The following KCNIP3 variants were observed in gnomAD, a reference collection of about 807,000 sequenced individuals.
The protein encoded by KCNIP3 is calsenilin.
A neutral mutation model predicts 35.0 loss-of-function variants in KCNIP3; 28 were observed. The observed-to-expected ratio is 0.80, with a 90% CI of 0.59 to 1.10. The LOEUF (loss-of-function observed/expected upper bound fraction) is 1.10. Ranked by LOEUF, KCNIP3 falls within the 50% of genes least tolerant of loss-of-function variation. The pLI, the probability that KCNIP3 is intolerant of heterozygous loss-of-function variation, is 0.00. For missense variants in KCNIP3, 295 were observed against 338.4 expected, an observed-to-expected ratio of 0.87 and a Z score of 1.01; for synonymous variants, 134 against 133.8, an observed-to-expected ratio of 1.00 and a Z score of -0.01.
At chr2:95,366,075 G>A (rs1233739849) in intron 2 of KCNIP3, among the ~76,000 whole-genome samples, 1 of 152,094 alleles carries the variant, frequency 6.6e-6, no homozygotes, top group East Asian at 1.9e-4. Flanking sequence ...TTGAACTCCA[G>A]GGCTCAAGCA....
chr2:95,310,833 C>G (rs1304536591), intron 2 of KCNIP3: 1 of 413,142 alleles, frequency 2.4e-6, no homozygotes, highest in Non-Finnish European at 4.5e-6. Context: ...TCCACCCTGC[C>G]CACTGCTCAC....
intron 8 of KCNIP3, 88 bp from the exon 9 acceptor site, chr2:95,383,914 C>A: frequency 2.7e-6 from 3 of 1,121,862 alleles, no homozygotes; most frequent in African/African-American, 1.5e-5. Context: ...TCGCTGCAGG[C>A]TCCGAGTCCC....
At chr2:95,321,068 C>G (rs1430191481) in intron 2 of KCNIP3, among the ~76,000 whole-genome samples, 1 of 141,938 alleles carries the variant, frequency 7.0e-6, no homozygotes, top group Admixed American at 6.9e-5. Context: ...CCCCAAGCCT[C>G]TCCTCCCTGG....
intron 1 of KCNIP3, among the ~76,000 whole-genome samples, chr2:95,302,433 C>T (rs891016635): frequency 6.6e-6 from 1 of 152,204 alleles, no homozygotes; most frequent in African/African-American, 2.4e-5. Context: ...TCAAACAATC[C>T]AGCTCCTGGG....
intron 1 of KCNIP3, among the ~76,000 whole-genome samples, chr2:95,306,810 C>T (rs574698643): frequency 3.2e-4 from 48 of 152,284 alleles, no homozygotes; most frequent in South Asian, 1.0e-3. Context: ...GCCAGGGGGC[C>T]GCCTCTTAGG....
intron 2 of KCNIP3, among the ~76,000 whole-genome samples, chr2:95,326,867 C>T (rs1317914854): frequency 1.3e-5 from 2 of 152,224 alleles, no homozygotes; most frequent in Non-Finnish European, 2.9e-5. Context: ...ACTCCCCTCG[C>T]CCTGCCCTTC....
intron 2 of KCNIP3, among the ~76,000 whole-genome samples, chr2:95,335,683 T>A (rs1440765770): frequency 6.6e-6 from 1 of 152,206 alleles, no homozygotes; most frequent in Non-Finnish European, 1.5e-5. Context: ...GGAAAATTTC[T>A]TCAAATTCTA....
intron 2 of KCNIP3, among the ~76,000 whole-genome samples, chr2:95,314,767 A>G (rs1345349107): frequency 3.9e-5 from 6 of 152,230 alleles, no homozygotes; most frequent in African/African-American, 1.4e-4. Context: ...ATGGGAATTT[A>G]AAGCCTCTAA....
chr2:95,337,514 G>T (rs1219686818), intron 2 of KCNIP3, among the ~76,000 whole-genome samples: 1 of 152,188 alleles, frequency 6.6e-6, no homozygotes, highest in Non-Finnish European at 1.5e-5. Flanking sequence ...TGGGATATAA[G>T]ATGAATCCTT....
At chr2:95,298,373 G>C (rs1453715531) in intron 1 of KCNIP3, among the ~76,000 whole-genome samples, 1 of 152,116 alleles carries the variant, frequency 6.6e-6, no homozygotes, top group Non-Finnish European at 1.5e-5. Flanking sequence ...GGCCTGCCCT[G>C]TATCACCCCT....
intron 2 of KCNIP3, among the ~76,000 whole-genome samples, chr2:95,367,839 G>T (rs1172989668): frequency 1.4e-5 from 2 of 144,428 alleles, no homozygotes; most frequent in African/African-American, 5.2e-5. Flanking sequence ...TCAGCTCACT[G>T]CAACCTCTGC....
At chr2:95,299,901 G>C (rs1573474463) in intron 1 of KCNIP3, among the ~76,000 whole-genome samples, 1 of 152,232 alleles carries the variant, frequency 6.6e-6, no homozygotes, top group Non-Finnish European at 1.5e-5. Flanking sequence ...CTAGGACATT[G>C]TCTCCCGCAT....
intron 2 of KCNIP3, among the ~76,000 whole-genome samples, chr2:95,344,585 T>C (rs1679301036): frequency 6.6e-6 from 1 of 152,216 alleles, no homozygotes; most frequent in Non-Finnish European, 1.5e-5. Flanking sequence ...ACTGGGAAGA[T>C]GCTCAGAAGC....
At chr2:95,362,026 G>A (rs575779092) in intron 2 of KCNIP3, among the ~76,000 whole-genome samples, 3 of 152,256 alleles carry the variant, frequency 2.0e-5, no homozygotes, top group African/African-American at 4.8e-5. Context: ...GTGTGCTGAC[G>A]GCTGCCTTCT....
intron 2 of KCNIP3, among the ~76,000 whole-genome samples, chr2:95,330,797 T>TC (rs2104244211): frequency 6.6e-6 from 1 of 152,274 alleles, no homozygotes; most frequent in East Asian, 1.9e-4. Flanking sequence ...TCTCCTTGCC[T>TC]CCTCTGGCAG....
intron 1 of KCNIP3, among the ~76,000 whole-genome samples, chr2:95,307,580 T>G (rs977787172): frequency 1.3e-5 from 2 of 152,250 alleles, no homozygotes; most frequent in African/African-American, 2.4e-5. Flanking sequence ...AGCCTGCCCT[T>G]TGGGCTCACC....
At chr2:95,308,149 C>T (rs939379059) in intron 1 of KCNIP3, among the ~76,000 whole-genome samples, 4 of 152,130 alleles carry the variant, frequency 2.6e-5, no homozygotes, top group South Asian at 2.1e-4. Flanking sequence ...GTGTGCATAG[C>T]GTGTGCACAT....
intron 2 of KCNIP3, among the ~76,000 whole-genome samples, chr2:95,370,269 G>A (rs1680012149): frequency 6.6e-6 from 1 of 152,216 alleles, no homozygotes; most frequent in Non-Finnish European, 1.5e-5. Flanking sequence ...GGTTTGGCAT[G>A]TAGTTAAATT....
intron 2 of KCNIP3, among the ~76,000 whole-genome samples, chr2:95,331,222 T>G (rs1034284493): frequency 1.3e-5 from 2 of 152,146 alleles, no homozygotes; most frequent in African/African-American, 4.8e-5. Flanking sequence ...GGAGGCACTC[T>G]GAAGATGGGA....
Sources: gnomAD v4.1 joint callset for allele counts (sites outside exome capture counted in the v4.1 genomes callset) on GRCh38, gnomAD v4.1.1 for gene constraint, MANE v1.5 for transcripts, NCBI Gene and HGNC (gene_info 2026-07-23, HGNC 2026-07-21) for gene names.